NID1: variants seen among roughly 807,000 people sequenced by gnomAD.
NID1 encodes the protein nidogen-1.
In NID1, 76 loss-of-function variants were observed where a neutral mutation model predicts 130.6. The ratio of observed to expected loss-of-function variants is 0.58; its 90% CI spans 0.48 to 0.70. The LOEUF is 0.70. Among genes scored for constraint, NID1 ranks in the 30% least tolerant of loss-of-function variants. NID1 has a pLI of 0.00. For missense variants in NID1, 1,517 were observed against 1,664.8 expected (o/e 0.91, Z 1.54); for synonymous variants, 665 against 675.1 (o/e 0.98, Z 0.23).
chr1:235,976,950 G>C lies in NID1; in HGVS notation c.*917C>G, dbSNP rs767080819. The C allele has an allele frequency of 2.6e-5, 4 of 152,118 alleles. No individual in the cohort carries two copies. The highest frequency in any genetic ancestry group is 5.9e-5 in the Non-Finnish European group (4 of 68,042). The allele number at this position is 152,118 out of a possible 1,614,324, so 9.4% of individuals were successfully genotyped here. On this transcript the variant is annotated 3_prime_UTR_variant, in exon 20 of 20. Coordinates refer to ENST00000264187, the MANE Select transcript of NID1 (RefSeq NM_002508.3). The stretch of plus-strand genomic sequence containing the variant: ...TACCTCAGATAGGTCTCCGTGAAAA[G>C]GAGGGACATCAGTGCAAGCAGTGGG...
intron 12 of NID1, among the ~76,000 whole-genome samples, chr1:235,996,098 G>A (rs1163701392): frequency 6.6e-6 from 1 of 152,176 alleles, no homozygotes; most frequent in Non-Finnish European, 1.5e-5. Context: ...AGGCTGCAGT[G>A]AGCCATGTTC....
intron 19 of NID1, among the ~76,000 whole-genome samples, chr1:235,978,742 G>A (rs1185265171): frequency 6.6e-6 from 1 of 152,114 alleles, no homozygotes; most frequent in Non-Finnish European, 1.5e-5. Context: ...TGACTATTTG[G>A]AACCTGAAGA....
At chr1:236,006,671 G>C (rs928261754) in intron 12 of NID1, among the ~76,000 whole-genome samples, 2 of 152,192 alleles carry the variant, frequency 1.3e-5, no homozygotes, top group African/African-American at 4.8e-5. Flanking sequence ...AGAAATGCAA[G>C]GAAGAGACAA....
At chr1:235,993,516 G>A in intron 13 of NID1, 129 bp downstream of exon 13, 1 of 831,688 alleles carries the variant, frequency 1.2e-6, no homozygotes, top group Non-Finnish European at 1.8e-6. Flanking sequence ...AGCAGGAGCG[G>A]GTGGGGCTGG....
chr1:236,020,973 A>G (rs1658741701), intron 9 of NID1, among the ~76,000 whole-genome samples: 1 of 152,106 alleles, frequency 6.6e-6, no homozygotes, highest in African/African-American at 2.4e-5. Flanking sequence ...GAAGTGAAGC[A>G]CTCCCACTGT....
Position 236,042,015 on chromosome 1 carries a change from C to G in NID1, c.1030G>C (p.Gly344Arg). Reference protein sequence around the residue: ...PRRAATERPLGPPTERTRSFQ... With the variant: ...PRRAATERPLRPPTERTRSFQ... Reference sequence around the variant, plus strand: ...GACCTGGTTCTCTCTGTGGGAGGTCCAAGGGGCCTTTCGGTAGCTGCCCGG... The same window carrying G: ...GACCTGGTTCTCTCTGTGGGAGGTCGAAGGGGCCTTTCGGTAGCTGCCCGG... The change falls in exon 4 of 20, where the codon GGA becomes CGA. Residue 344 changes from glycine (G) to arginine (R), a missense_variant. Physicochemically the swap from Gly to Arg is moderately radical, Grantham distance 125. Coordinates refer to ENST00000264187, the MANE Select transcript of NID1 (RefSeq NM_002508.3). 6.2e-7 allele frequency: 1 copy of G among 1,614,184 alleles called. No homozygotes were observed. The highest frequency in any genetic ancestry group is 1.6e-4 in the Middle Eastern group (1 of 6,062).
intron 12 of NID1, among the ~76,000 whole-genome samples, chr1:236,004,333 G>A (rs1281654542): frequency 6.6e-6 from 1 of 152,194 alleles, no homozygotes; most frequent in African/African-American, 2.4e-5. Flanking sequence ...ATCTTTGTGT[G>A]GCAGACAGCA....
At chr1:236,021,743 C>A (rs1658770963) in intron 9 of NID1, among the ~76,000 whole-genome samples, 1 of 152,178 alleles carries the variant, frequency 6.6e-6, no homozygotes, top group South Asian at 2.1e-4. Flanking sequence ...CATTAGTGAG[C>A]CCTCTCACTA....
At chr1:236,051,411 A>G (rs898713431) in intron 1 of NID1, among the ~76,000 whole-genome samples, 1 of 152,210 alleles carries the variant, frequency 6.6e-6, no homozygotes, top group African/African-American at 2.4e-5. Context: ...GCTATTAATA[A>G]AAAGGTTCAA....
chr1:236,049,692 A>G (rs571143465), intron 1 of NID1, among the ~76,000 whole-genome samples: 1 of 152,260 alleles, frequency 6.6e-6, no homozygotes, highest in African/African-American at 2.4e-5. Flanking sequence ...CTGAATACTC[A>G]CCATATTCCA....
intron 14 of NID1, among the ~76,000 whole-genome samples, chr1:235,986,435 A>G (rs1418076222): frequency 1.4e-3 from 8 of 5,786 alleles, no homozygotes; most frequent in African/African-American, 9.7e-3. Context: ...GACAGCATCA[A>G]AAAAAAAAAC....
intron 4 of NID1, among the ~76,000 whole-genome samples, chr1:236,040,392 T>A (rs1377311954): frequency 6.6e-6 from 1 of 152,134 alleles, no homozygotes; most frequent in Non-Finnish European, 1.5e-5. Flanking sequence ...CCCCATCTCG[T>A]CCACAGTTTG....
intron 14 of NID1, among the ~76,000 whole-genome samples, chr1:235,987,753 G>A (rs963440437): frequency 2.0e-5 from 3 of 152,008 alleles, no homozygotes; most frequent in Non-Finnish European, 4.4e-5. Flanking sequence ...TCTCAGGAGG[G>A]AGGGTCTCAG....
rs751967777 is a variant in NID1, at chr1:235,991,000, G to C, written c.2814C>G (p.Ile938Met). The change falls in exon 14 of 20, where the codon ATC (isoleucine) becomes ATG (methionine). Residue 938 changes from isoleucine (I) to methionine (M), a missense_variant. Ile to Met is a conservative substitution (Grantham distance 10). Coordinates refer to ENST00000264187, the MANE Select transcript of NID1 (RefSeq NM_002508.3). ...GTAAATGGGTCCCAGGAGGCAAGGG[G>C]ATCACGGCGGTAGGCACCGCAGGTC... The part of the protein sequence containing the change: ...HQGPAVPTAV[I>M]PLPPGTHLLF... 7.4e-6 allele frequency: 12 copies of C among 1,613,580 alleles called. No homozygotes were observed. In the East Asian group the frequency reaches 2.7e-4, roughly 36 times the overall value.
chr1:236,053,948 G>C (rs1241785324), intron 1 of NID1, among the ~76,000 whole-genome samples: 4 of 151,560 alleles, frequency 2.6e-5, no homozygotes, highest in Non-Finnish European at 4.4e-5. Flanking sequence ...TAAATAAAAA[G>C]TGCATAACTT....
rs114120230 is a variant in NID1 at position 236,008,322 on chromosome 1, A to T, written c.2527+3599T>A. ...ATCAGTTGACATTTCAGTAGCCATG[A>T]TCTTCACTGGCTCACCTTCAAAGCC... On this transcript the variant is annotated intron_variant, in intron 12 of 19. Transcript: ENST00000264187. Among the ~76,000 whole-genome samples the T allele has an allele frequency of 6.6e-3, 1,004 of 152,256 alleles. 14 individuals carry two copies. The highest frequency in any genetic ancestry group is 0.023 in the African/African-American group (968 of 41,542).
intron 12 of NID1, among the ~76,000 whole-genome samples, chr1:236,009,143 T>C (rs1276575329): frequency 6.6e-6 from 1 of 152,164 alleles, no homozygotes; most frequent in African/African-American, 2.4e-5. Flanking sequence ...GGTGATGGCA[T>C]TGGGGGTGAG....
intron 3 of NID1, among the ~76,000 whole-genome samples, chr1:236,043,612 C>T (rs2102841473): frequency 6.6e-6 from 1 of 152,088 alleles, no homozygotes; most frequent in Non-Finnish European, 1.5e-5. Flanking sequence ...TCCTGGCTAA[C>T]ATGGTGAAAC....
At chr1:235,995,502 G>T (rs1249676131) in intron 12 of NID1, among the ~76,000 whole-genome samples, 1 of 152,210 alleles carries the variant, frequency 6.6e-6, no homozygotes, top group Non-Finnish European at 1.5e-5. Flanking sequence ...CAGAGTTGTA[G>T]CCTCTGCAGT....
Sources: gnomAD v4.1 joint callset for allele counts (sites outside exome capture counted in the v4.1 genomes callset) on GRCh38, gnomAD v4.1.1 for gene constraint, MANE v1.5 for transcripts, NCBI Gene and HGNC (gene_info 2026-07-23, HGNC 2026-07-21) for gene names.